The following SEC23IP variants were observed in gnomAD, a reference collection of about 807,000 sequenced individuals.
SEC23IP encodes SEC23 interacting protein.
Under a neutral mutation model 113.4 loss-of-function variants are expected in SEC23IP, and 70 were observed. That is an observed-to-expected ratio of 0.62 (90% confidence interval 0.51 to 0.75). SEC23IP has a LOEUF of 0.75. Ranked by LOEUF, SEC23IP falls within the 30% of genes least tolerant of loss-of-function variation. The pLI is 0.00. For missense variants in SEC23IP, 1,160 were observed against 1,204.9 expected (o/e 0.96, Z 0.55); for synonymous variants, 398 against 421.0 (o/e 0.95, Z 0.67).
rs573870437 is a variant in SEC23IP at position 119,938,120 on chromosome 10, G to A, written c.*21-2466G>A. 3.3e-4 allele frequency among the ~76,000 whole-genome samples: 47 copies of A among 140,952 alleles called. 1 individual carries two copies. The South Asian group carries it at 8.8e-3, about 26-fold the overall frequency. The allele number at this position is 140,952 out of a possible 152,430, so 92.5% of individuals were successfully genotyped here. A position where few individuals can be genotyped will look rare whatever the true frequency, so the allele number is the denominator to read the frequency against. ...AGCCTGGGCAACATAGTGAAACCTC[G>A]TCTCTTAAAAAAAAAAAAAAAAAAA... On this transcript the variant is annotated intron_variant, in intron 18 of 18. Coordinates refer to ENST00000369075, the MANE Select transcript of SEC23IP (RefSeq NM_007190.4).
chr10:119,930,984 T>C lies in SEC23IP; in HGVS notation c.2572+553T>C, dbSNP rs971538806. Among the ~76,000 whole-genome samples, 7 of 152,312 alleles carry C rather than the reference T, an allele frequency of 4.6e-5. No homozygotes were observed. The South Asian group carries it at 1.0e-3, about 23-fold the overall frequency. ...AAGGAAAAGTGATTACGCACTCTTATGTGAAAGTGTGTTTTTTGTTTGTTT... is the reference window on the plus strand; with the variant it reads ...AAGGAAAAGTGATTACGCACTCTTACGTGAAAGTGTGTTTTTTGTTTGTTT... On this transcript the variant is annotated intron_variant, in intron 15 of 18. Coordinates refer to ENST00000369075, the MANE Select transcript of SEC23IP (RefSeq NM_007190.4).
At position 119,930,258 on chromosome 10, in the gene SEC23IP, A is replaced by G. The variant is rs1184281669; in HGVS notation, c.2470-71A>G. The G allele has an allele frequency of 1.1e-5, 9 of 792,324 alleles. No homozygotes were observed. In the Admixed American group the frequency reaches 2.1e-4, roughly 18 times the overall value. 49.1% of individuals were successfully genotyped at this position (792,324 alleles called of 1,614,324 possible). A position where few individuals can be genotyped will look rare whatever the true frequency, so the allele number is the denominator to read the frequency against. On this transcript the variant is annotated intron_variant, in intron 14 of 18. Coordinates refer to ENST00000369075, the MANE Select transcript of SEC23IP (RefSeq NM_007190.4). ...TTGCCATGTATCCATTTTCTTACCCAGCGAAGGCATATAACTCAAAACAGC... is the reference window on the plus strand; with the variant it reads ...TTGCCATGTATCCATTTTCTTACCCGGCGAAGGCATATAACTCAAAACAGC...
intron 1 of SEC23IP, among the ~76,000 whole-genome samples, chr10:119,894,015 T>G (rs1455853310): frequency 2.6e-5 from 4 of 152,260 alleles, no homozygotes; most frequent in African/African-American, 7.2e-5. Flanking sequence ...GTCCTTGCCC[T>G]GCCAGTAACT....
At position 119,932,160 on chromosome 10, in the gene SEC23IP, G is replaced by T; in HGVS notation, c.2600G>T (p.Gly867Val). ...LELKESLSRM[G>V]SDLKQGFISS... Reference sequence around the variant, plus strand: ...TTGAAAGAGAGTCTCTCTCGTATGGGATCTGATTTGAAGCAGGGTTTTATT... The same window carrying T: ...TTGAAAGAGAGTCTCTCTCGTATGGTATCTGATTTGAAGCAGGGTTTTATT... Residue 867 changes from glycine (G) to valine (V), a missense_variant, in exon 16 of 19, where the codon GGA becomes GTA. Physicochemically the swap from Gly to Val is moderately radical, Grantham distance 109. Transcript: ENST00000369075. 1 of 1,611,618 alleles carries T rather than the reference G, an allele frequency of 6.2e-7. No homozygotes were observed. The highest frequency in any genetic ancestry group is 8.5e-7 in the Non-Finnish European group (1 of 1,177,764).
rs1054561171 is a variant in SEC23IP at position 119,941,965 on chromosome 10, G to A, written c.*1400G>A. On this transcript the variant is annotated 3_prime_UTR_variant, in exon 19 of 19. Transcript: ENST00000369075. ...GGACAATAAATGCCTTTCCCAGACTGGGTAGTGGCAGATCTGGGATGGAAT... is the reference window on the plus strand; with the variant it reads ...GGACAATAAATGCCTTTCCCAGACTAGGTAGTGGCAGATCTGGGATGGAAT... The A allele has an allele frequency of 2.6e-5, 4 of 152,170 alleles. No homozygotes were observed. The highest frequency in any genetic ancestry group is 7.2e-5 in the African/African-American group (3 of 41,428). The allele number at this position is 152,170 out of a possible 1,614,324, so 9.4% of individuals were successfully genotyped here. A position where few individuals can be genotyped will look rare whatever the true frequency, so the allele number is the denominator to read the frequency against.
intron 18 of SEC23IP, among the ~76,000 whole-genome samples, chr10:119,938,738 A>G (rs1564929265): frequency 1.3e-5 from 2 of 152,278 alleles, no homozygotes. Context: ...AAAGAATAGT[A>G]ATTCTAGGAT....
intron 1 of SEC23IP, among the ~76,000 whole-genome samples, chr10:119,894,195 C>CA (rs764227852): frequency 3.0e-4 from 46 of 152,218 alleles, no homozygotes; most frequent in Non-Finnish European, 4.0e-4. Context: ...CCTGCCTCTC[C>CA]ATTTGGACTG....
intron 4 of SEC23IP, 27 bp from the exon 5 acceptor site, chr10:119,909,014 G>C (rs781066251): frequency 1.4e-6 from 2 of 1,469,474 alleles, no homozygotes; most frequent in Non-Finnish European, 1.9e-6. Context: ...TGTCATGTTG[G>C]AATATATGTT....
chr10:119,909,405 G>A (rs1854786243), intron 5 of SEC23IP, among the ~76,000 whole-genome samples: 1 of 152,148 alleles, frequency 6.6e-6, no homozygotes, highest in African/African-American at 2.4e-5. Context: ...CAGGGGGACA[G>A]CAGAACCCTG....
rs781412500 is a variant in SEC23IP at position 119,904,152 on chromosome 10, C to G, written c.976C>G (p.Arg326Gly). 1 of 1,614,148 alleles carries G rather than the reference C, an allele frequency of 6.2e-7. No homozygotes were observed. Among genetic ancestry groups the G allele is most frequent in the Non-Finnish European group, 8.5e-7 (1 of 1,180,026 alleles). The change falls in exon 4 of 19, where the codon CGA becomes GGA. Residue 326 changes from arginine to glycine, a missense_variant. Arg to Gly is a moderately radical substitution (Grantham distance 125). Coordinates refer to ENST00000369075, the MANE Select transcript of SEC23IP (RefSeq NM_007190.4). ...GGRYDVYLYD[R>G]IRKAAYWEEE... ...GCGCTACGATGTTTACCTCTATGAC[C>G]GAATAAGGAAGGCTGCCTACTGGGA...
intron 12 of SEC23IP, 40 bp from the exon 13 acceptor site, chr10:119,925,996 T>G: frequency 6.5e-7 from 1 of 1,542,540 alleles, no homozygotes; most frequent in Non-Finnish European, 8.8e-7. Context: ...GAGCTGAACT[T>G]TTTCTCATGA....
chr10:119,940,774 C>G lies in SEC23IP; in HGVS notation c.*209C>G, dbSNP rs1855942400. On this transcript the variant is annotated 3_prime_UTR_variant, in exon 19 of 19. Coordinates refer to ENST00000369075, the MANE Select transcript of SEC23IP (RefSeq NM_007190.4). The stretch of plus-strand genomic sequence containing the variant: ...ACTAACACAGTGAAAAAAATCAGTA[C>G]CACATTTGGACAGTATAGGTGAGAA... The G allele has an allele frequency of 6.6e-6, 1 of 152,050 alleles. No homozygotes were observed. The highest frequency in any genetic ancestry group is 2.4e-5 in the African/African-American group (1 of 41,400). 9.4% of individuals were successfully genotyped at this position (152,050 alleles called of 1,614,324 possible).
chr10:119,901,247 T>A (rs1482972135), intron 2 of SEC23IP, among the ~76,000 whole-genome samples: 3 of 151,982 alleles, frequency 2.0e-5, no homozygotes, highest in African/African-American at 7.2e-5. Flanking sequence ...CCTCAAATGA[T>A]CCTCCTTCCT....
chr10:119,894,192 C>G (rs533500806), intron 1 of SEC23IP, among the ~76,000 whole-genome samples: 86 of 152,380 alleles, frequency 5.6e-4, no homozygotes, highest in African/African-American at 2.0e-3. Flanking sequence ...ACACCTGCCT[C>G]TCCATTTGGA....
At chr10:119,901,044 T>TGG (rs34956440) in intron 2 of SEC23IP, among the ~76,000 whole-genome samples, 14 of 43,010 alleles carry the variant, frequency 3.3e-4, no homozygotes, top group African/African-American at 1.1e-3. Context: ...TTTTAAAGAG[T>TGG]GGGGGGGGGG....
chr10:119,925,530 T>G (rs548982156), intron 12 of SEC23IP, among the ~76,000 whole-genome samples: 16 of 152,312 alleles, frequency 1.1e-4, no homozygotes, highest in African/African-American at 3.6e-4. Flanking sequence ...AAAGGACATG[T>G]AAACATTTTT....
rs920681389 is a variant in SEC23IP, at chr10:119,941,106, G to A, written c.*541G>A. On this transcript the variant is annotated 3_prime_UTR_variant, in exon 19 of 19. Transcript: ENST00000369075. ...CCTTAATGCAAGGTCATTTATATTT[G>A]TTAAGAGGAAATAATCAAGATCACT... 1.4e-4 allele frequency: 22 copies of A among 152,122 alleles called. No individual in the cohort carries two copies. The highest frequency in any genetic ancestry group is 4.3e-4 in the African/African-American group (18 of 41,416). The allele number at this position is 152,122 out of a possible 1,614,324, so 9.4% of individuals were successfully genotyped here.
intron 6 of SEC23IP, among the ~76,000 whole-genome samples, chr10:119,913,424 G>C (rs756477382): frequency 6.6e-6 from 1 of 152,176 alleles, no homozygotes; most frequent in East Asian, 1.9e-4. Flanking sequence ...AAACTACTCA[G>C]CTTTGCTATT....
chr10:119,906,855 C>T (rs113961326), intron 4 of SEC23IP, among the ~76,000 whole-genome samples: 6,259 of 152,078 alleles, frequency 0.041, 454 homozygotes, highest in African/African-American at 0.14. Context: ...GGATTACATG[C>T]GTGAGCCACC....
Sources: gnomAD v4.1 joint callset for allele counts (sites outside exome capture counted in the v4.1 genomes callset) on GRCh38, gnomAD v4.1.1 for gene constraint, MANE v1.5 for transcripts, NCBI Gene and HGNC (gene_info 2026-07-23, HGNC 2026-07-21) for gene names.